Variants in HIPK2 observed in about 807,000 individuals in gnomAD.
HIPK2 encodes the protein homeodomain-interacting protein kinase 2.
In HIPK2, 27 loss-of-function variants were observed where a neutral mutation model predicts 113.7. That is an observed-to-expected ratio of 0.24 (90% CI 0.17 to 0.33). HIPK2 has a LOEUF of 0.33. Ranked by LOEUF, HIPK2 falls within the 10% of genes least tolerant of loss-of-function variation. The pLI is 1.00. For missense variants in HIPK2, 1,257 were observed against 1,588.0 expected (o/e 0.79, Z 3.54); for synonymous variants, 631 against 642.2 (o/e 0.98, Z 0.26).
chr7:139,592,435 A>G (rs1441746316), intron 12 of HIPK2, among the ~76,000 whole-genome samples: 2 of 152,242 alleles, frequency 1.3e-5, no homozygotes, highest in Non-Finnish European at 2.9e-5. Flanking sequence ...TTTGGTTTAC[A>G]CACTTAAAAA....
chr7:139,712,959 T>C (rs1012827809), intron 2 of HIPK2, among the ~76,000 whole-genome samples: 1 of 152,110 alleles, frequency 6.6e-6, no homozygotes, highest in Non-Finnish European at 1.5e-5. Flanking sequence ...CTGCTGACCG[T>C]ATTTTTGGAA....
rs569549405 is a variant in HIPK2, at chr7:139,678,468, C to T, written c.1103+37464G>A. On this transcript the variant is annotated intron_variant, in intron 2 of 14. Coordinates refer to ENST00000406875, the MANE Select transcript of HIPK2 (RefSeq NM_022740.5). Reference sequence around the variant, plus strand: ...CACTGCTAGTTTTTGACAGGTCTGTCGGAGATCAGATGGTTGCAGATGTGT... The same window carrying T: ...CACTGCTAGTTTTTGACAGGTCTGTTGGAGATCAGATGGTTGCAGATGTGT... Among the ~76,000 whole-genome samples the T allele has an allele frequency of 7.9e-5, 12 of 152,288 alleles. 1 individual carries two copies. The South Asian group carries it at 2.5e-3, about 32-fold the overall frequency.
intron 2 of HIPK2, among the ~76,000 whole-genome samples, chr7:139,695,588 A>T (rs2116814608): frequency 6.6e-6 from 1 of 152,348 alleles, no homozygotes; most frequent in East Asian, 1.9e-4. Flanking sequence ...AATCAGAACA[A>T]ATCAGAACTG....
chr7:139,619,426 T>C (rs918388224), intron 7 of HIPK2, among the ~76,000 whole-genome samples: 3 of 152,188 alleles, frequency 2.0e-5, no homozygotes, highest in African/African-American at 7.2e-5. Context: ...CAGCTCAGAC[T>C]TGGAGATTAT....
chr7:139,766,505 A>G (rs1796555312), intron 1 of HIPK2, among the ~76,000 whole-genome samples: 1 of 152,210 alleles, frequency 6.6e-6, no homozygotes, highest in Non-Finnish European at 1.5e-5. Context: ...AGAGTGTCAC[A>G]GAAATCTGTG....
At chr7:139,763,561 G>A (rs1346519735) in intron 1 of HIPK2, among the ~76,000 whole-genome samples, 1 of 147,546 alleles carries the variant, frequency 6.8e-6, no homozygotes, top group African/African-American at 2.5e-5. Flanking sequence ...AACGGCGGCA[G>A]AGACCAGATG....
intron 2 of HIPK2, among the ~76,000 whole-genome samples, chr7:139,689,636 C>T (rs1054519012): frequency 6.6e-6 from 1 of 152,124 alleles, no homozygotes. Flanking sequence ...ATGAGCCCAG[C>T]CTGGAACTTT....
chr7:139,722,329 C>A (rs1198512292), intron 1 of HIPK2, among the ~76,000 whole-genome samples: 1 of 152,164 alleles, frequency 6.6e-6, no homozygotes, highest in East Asian at 1.9e-4. Context: ...ATAAAGCTGA[C>A]AAAGTCTCTC....
chr7:139,649,298 A>G (rs1801369097), intron 2 of HIPK2, among the ~76,000 whole-genome samples: 1 of 152,064 alleles, frequency 6.6e-6, no homozygotes, highest in African/African-American at 2.4e-5. Context: ...CCCCAGGTAC[A>G]CGCGCAAATG....
chr7:139,601,137 G>A (rs1158463537), intron 10 of HIPK2, among the ~76,000 whole-genome samples: 2 of 152,032 alleles, frequency 1.3e-5, no homozygotes, highest in South Asian at 2.1e-4. Flanking sequence ...CCAGCTACTC[G>A]GGAGGCTGAG....
chr7:139,665,736 C>T (rs1802027572), intron 2 of HIPK2, among the ~76,000 whole-genome samples: 1 of 152,166 alleles, frequency 6.6e-6, no homozygotes. Flanking sequence ...ACTTTTTCTT[C>T]CATGCATGCT....
Position 139,614,336 on chromosome 7 carries a change from C to T in HIPK2, c.1940G>A (p.Arg647Gln), listed in dbSNP as rs755587785. 14 of 1,571,810 alleles carry T rather than the reference C, an allele frequency of 8.9e-6. No individual in the cohort carries two copies. Among genetic ancestry groups the T allele is most frequent in the East Asian group, 7.0e-5 (3 of 42,658 alleles). The part of the protein sequence containing the change: ...LQTGTAQICA[R>Q]PDPFQQALIV... The stretch of plus-strand genomic sequence containing the variant: ...GAGAGCTTGCTGGAACGGGTCAGGC[C>T]GGGCACAAATCTGGGCTGTTCCTGT... The change falls in exon 8 of 15, where the codon CGG (arginine) becomes CAG (glutamine). Residue 647 changes from arginine to glutamine, a missense_variant. Coordinates refer to ENST00000406875, the MANE Select transcript of HIPK2 (RefSeq NM_022740.5).
At chr7:139,688,902 C>T (rs1352444525) in intron 2 of HIPK2, among the ~76,000 whole-genome samples, 1 of 152,150 alleles carries the variant, frequency 6.6e-6, no homozygotes, top group Non-Finnish European at 1.5e-5. Flanking sequence ...TTGTATAAGA[C>T]TTCTGGGTAC....
rs551309440 is a variant in HIPK2 at position 139,654,755 on chromosome 7, T to C, written c.1104-23030A>G. ...ATGGACGCTCACGAGTCCAGCCAAA[T>C]TCTGAGTGCTTAAGAAGAGGCCTGT... On this transcript the variant is annotated intron_variant, in intron 2 of 14. Transcript: ENST00000406875. 1.3e-4 allele frequency among the ~76,000 whole-genome samples: 20 copies of C among 152,236 alleles called. 1 individual carries two copies. The East Asian group carries it at 3.9e-3, about 29-fold the overall frequency.
intron 2 of HIPK2, among the ~76,000 whole-genome samples, chr7:139,653,182 A>C (rs1447699122): frequency 1.3e-5 from 2 of 150,704 alleles, no homozygotes; most frequent in African/African-American, 4.9e-5. Context: ...AGAACAAGGA[A>C]GTGACACAAG....
At chr7:139,661,325 T>G (rs2116554197) in intron 2 of HIPK2, among the ~76,000 whole-genome samples, 1 of 152,306 alleles carries the variant, frequency 6.6e-6, no homozygotes, top group African/African-American at 2.4e-5. Context: ...TGTTTTGCTC[T>G]CCACTGGTGA....
rs544947667 is a variant in HIPK2, at chr7:139,763,592, G to A, written c.19+14013C>T. ...AGATGGCCTGCAAAGCCTCAAATAT[G>A]CACCACGTGGACCTTTACAGAAAAA... On this transcript the variant is annotated intron_variant, in intron 1 of 14. Transcript: ENST00000406875. Among the ~76,000 whole-genome samples, 32 of 150,044 alleles carry A rather than the reference G, an allele frequency of 2.1e-4. No homozygotes were observed. The South Asian group carries it at 6.8e-3, about 32-fold the overall frequency.
At chr7:139,591,837 T>G (rs1799035627) in intron 12 of HIPK2, among the ~76,000 whole-genome samples, 1 of 152,250 alleles carries the variant, frequency 6.6e-6, no homozygotes, top group Non-Finnish European at 1.5e-5. Context: ...CAAGCCTGAT[T>G]CCCACGTCTC....
chr7:139,622,831 C>T (rs2116849016), intron 6 of HIPK2, among the ~76,000 whole-genome samples: 1 of 152,334 alleles, frequency 6.6e-6, no homozygotes, highest in East Asian at 1.9e-4. Context: ...TGAGTTCTGA[C>T]TTGTCAGTGC....
Sources: gnomAD v4.1 joint callset for allele counts (sites outside exome capture counted in the v4.1 genomes callset) on GRCh38, gnomAD v4.1.1 for gene constraint, MANE v1.5 for transcripts, NCBI Gene and HGNC (gene_info 2026-07-23, HGNC 2026-07-21) for gene names.